SMARCA2: variants seen among roughly 807,000 people sequenced by gnomAD.
SMARCA2 encodes the protein SWI/SNF-related matrix-associated actin-dependent regulator of chromatin subfamily A member 2.
In SMARCA2, 61 loss-of-function variants were observed where a neutral mutation model predicts 199.8. The observed-to-expected ratio is 0.31, with a 90% CI of 0.25 to 0.38. The LOEUF (loss-of-function observed/expected upper bound fraction) is 0.38, where lower values mean the gene tolerates loss of function less well. SMARCA2 is among the 10% of genes least tolerant of loss of function. The probability of loss-of-function intolerance (pLI) is 1.00; values close to 1 mark genes in which losing one functional copy is unlikely to be tolerated. For synonymous variants in SMARCA2, 935 were observed against 732.0 expected, an observed-to-expected ratio of 1.28 and a Z score of -4.48; for missense variants, 1,344 against 2,012.2, an observed-to-expected ratio of 0.67 and a Z score of 6.35.
rs1362017929 is a variant in SMARCA2 at position 2,096,490 on chromosome 9, A to T, written c.2884-167A>T. 1.1e-5 allele frequency: 6 copies of T among 563,178 alleles called. No homozygotes were observed. In the African/African-American group the frequency reaches 1.1e-4, roughly 11 times the overall value. The allele number at this position is 563,178 out of a possible 1,614,324, so 34.9% of individuals were successfully genotyped here. A position where few individuals can be genotyped will look rare whatever the true frequency, so the allele number is the denominator to read the frequency against. The stretch of plus-strand genomic sequence containing the variant: ...CATAATGGTACCTTGAACAATGATG[A>T]CTCTGGTCTCTTCTAACACCCCCAT... On this transcript the variant is annotated intron_variant, in intron 19 of 33. Coordinates refer to ENST00000349721, the MANE Select transcript of SMARCA2 (RefSeq NM_003070.5).
chr9:2,160,988 C>G (rs1049733632), intron 27 of SMARCA2: 2 of 188,706 alleles, frequency 1.1e-5, no homozygotes, highest in African/African-American at 2.4e-5. Flanking sequence ...ATTTTATTAT[C>G]TCTCTGCATT....
intron 19 of SMARCA2, among the ~76,000 whole-genome samples, chr9:2,094,586 C>T (rs1005767533): frequency 6.6e-6 from 1 of 152,220 alleles, no homozygotes; most frequent in Non-Finnish European, 1.5e-5. Context: ...GCCTGAAAAT[C>T]TCCTCAGTCG....
intron 29 of SMARCA2, among the ~76,000 whole-genome samples, chr9:2,176,203 T>TTTTTTTTTTTA (rs57519167): frequency 2.1e-5 from 3 of 145,888 alleles, no homozygotes; most frequent in African/African-American, 7.8e-5. Flanking sequence ...TTTTTTTTTT[T>TTTTTTTTTTTA]ATAATGACGT....
At chr9:2,155,427 C>T (rs1262696652) in intron 27 of SMARCA2, among the ~76,000 whole-genome samples, 1 of 152,042 alleles carries the variant, frequency 6.6e-6, no homozygotes, top group Non-Finnish European at 1.5e-5. Flanking sequence ...GGACTACAGG[C>T]ACGTGCCACC....
intron 5 of SMARCA2, among the ~76,000 whole-genome samples, chr9:2,048,953 T>C (rs1002924450): frequency 6.6e-6 from 1 of 152,196 alleles, no homozygotes; most frequent in African/African-American, 2.4e-5. Context: ...TTGGAAAAAG[T>C]CAGTAATAGA....
chr9:2,159,292 A>T (rs974053238), intron 27 of SMARCA2: 1 of 347,222 alleles, frequency 2.9e-6, no homozygotes, highest in Non-Finnish European at 5.2e-6. Context: ...GAAGTGTTAC[A>T]GTTGTTCTGA....
Position 2,017,784 on chromosome 9 carries a change from G to C in SMARCA2, c.-37+2380G>C, listed in dbSNP as rs1818425332. On this transcript the variant is annotated intron_variant, in intron 1 of 33. Coordinates refer to ENST00000349721, the MANE Select transcript of SMARCA2 (RefSeq NM_003070.5). This position sits in a 1 kb window ranked among gnomAD's most constrained non-coding sequence, Gnocchi z 8.8. ...CTCCGCGAACCCCGCGCCCCTTTTT[G>C]TTCCGCGTCCTCCAGGTAAGGAGCC... The C allele has an allele frequency of 6.6e-6, 1 of 152,322 alleles. No individual in the cohort carries two copies. Among genetic ancestry groups the C allele is most frequent in the African/African-American group, 2.4e-5 (1 of 41,440 alleles). 9.4% of individuals were successfully genotyped at this position (152,322 alleles called of 1,614,324 possible). A position where few individuals can be genotyped will look rare whatever the true frequency, so the allele number is the denominator to read the frequency against.
Position 2,153,063 on chromosome 9 carries a change from C to G in SMARCA2, c.3982-8623C>G, listed in dbSNP as rs114063534. Reference sequence around the variant, plus strand: ...AGTGATAATGGCAAAAACAAACAAACAACCAAAAAAACAAAGTCACAGTAA... The same window carrying G: ...AGTGATAATGGCAAAAACAAACAAAGAACCAAAAAAACAAAGTCACAGTAA... On this transcript the variant is annotated intron_variant, in intron 27 of 33. Transcript: ENST00000349721. Among the ~76,000 whole-genome samples the G allele has an allele frequency of 6.5e-3, 971 of 149,718 alleles. 10 individuals are homozygous for G. Among genetic ancestry groups the G allele is most frequent in the African/African-American group, 0.023 (922 of 39,462 alleles).
intron 21 of SMARCA2, among the ~76,000 whole-genome samples, chr9:2,099,859 C>T (rs776100940): frequency 5.9e-5 from 9 of 152,184 alleles, no homozygotes; most frequent in Non-Finnish European, 8.8e-5. Flanking sequence ...TACCTAATCT[C>T]CAACAGCATC....
chr9:2,185,963 T>C (rs1489226366), intron 31 of SMARCA2, 133 bp from the exon 32 acceptor site: 1 of 843,092 alleles, frequency 1.2e-6, no homozygotes, highest in Non-Finnish European at 1.9e-6. Flanking sequence ...TGGGTTTTCA[T>C]GTGGGCATAA....
intron 14 of SMARCA2, among the ~76,000 whole-genome samples, chr9:2,078,400 A>G (rs543732283): frequency 1.3e-5 from 2 of 152,084 alleles, no homozygotes; most frequent in South Asian, 4.2e-4. Context: ...TGAGCTCCGG[A>G]GGTGGAGGTT....
At chr9:2,124,020 T>C (rs1823580730) in intron 27 of SMARCA2, 83 bp downstream of exon 27, 1 of 1,121,614 alleles carries the variant, frequency 8.9e-7, no homozygotes, top group African/African-American at 1.5e-5. Flanking sequence ...GAGCTGGGAT[T>C]TTCTGAGGAG....
At chr9:2,058,961 T>C (rs2130354644) in intron 8 of SMARCA2, among the ~76,000 whole-genome samples, 1 of 152,340 alleles carries the variant, frequency 6.6e-6, no homozygotes, top group Admixed American at 6.5e-5. Context: ...ATAAGTGATT[T>C]TTAAGTTGAT....
At chr9:2,188,237 C>T (rs535246655) in intron 32 of SMARCA2, among the ~76,000 whole-genome samples, 2 of 152,068 alleles carry the variant, frequency 1.3e-5, no homozygotes, top group East Asian at 3.9e-4. Context: ...TGTACTGTAA[C>T]GTGTTAATTA....
At chr9:2,138,174 A>G (rs758074729) in intron 27 of SMARCA2, among the ~76,000 whole-genome samples, 3 of 124,968 alleles carry the variant, frequency 2.4e-5, no homozygotes, top group Non-Finnish European at 3.1e-5. Context: ...GCAAAAAACA[A>G]CAACAACAAC....
intron 32 of SMARCA2, among the ~76,000 whole-genome samples, chr9:2,187,196 A>T (rs977747644): frequency 6.7e-6 from 1 of 150,340 alleles, no homozygotes; most frequent in African/African-American, 2.4e-5. Flanking sequence ...TTTATCATGG[A>T]TTTGGGGGGC....
At position 2,073,635 on chromosome 9, in the gene SMARCA2, T is replaced by C; in HGVS notation, c.1935+12T>C. ...ATTATGAGGAAGAGGTATGTATGTATCTCTGTTTGGGGTTTATTGGTTTGA... is the reference window on the plus strand; with the variant it reads ...ATTATGAGGAAGAGGTATGTATGTACCTCTGTTTGGGGTTTATTGGTTTGA... On this transcript the variant is annotated intron_variant, in intron 12 of 33. Coordinates refer to ENST00000349721, the MANE Select transcript of SMARCA2 (RefSeq NM_003070.5). The C allele has an allele frequency of 6.3e-7, 1 of 1,588,454 alleles. No individual in the cohort carries two copies. Among genetic ancestry groups the C allele is most frequent in the South Asian group, 1.1e-5 (1 of 90,328 alleles).
intron 27 of SMARCA2, among the ~76,000 whole-genome samples, chr9:2,139,563 G>A (rs1824368434): frequency 6.6e-6 from 1 of 152,054 alleles, no homozygotes; most frequent in Admixed American, 6.6e-5. Flanking sequence ...AGGGGTTACT[G>A]GTATATATTT....
At chr9:2,160,448 C>A in intron 27 of SMARCA2, 1 of 517,708 alleles carries the variant, frequency 1.9e-6, no homozygotes, top group Non-Finnish European at 3.4e-6. Flanking sequence ...TTTTAACATG[C>A]CAGGTTGTTT....
Sources: gnomAD v4.1 joint callset for allele counts (sites outside exome capture counted in the v4.1 genomes callset) on GRCh38, gnomAD v4.1.1 for gene constraint, Gnocchi (gnomAD v3.1) non-coding constraint, MANE v1.5 for transcripts, NCBI Gene and HGNC (gene_info 2026-07-23, HGNC 2026-07-21) for gene names.